SYTL3: variants seen among roughly 807,000 people sequenced by gnomAD.
SYTL3 encodes the protein synaptotagmin-like protein 3.
Under a neutral mutation model 82.1 loss-of-function variants are expected in SYTL3, and 88 were observed. The observed-to-expected ratio is 1.07, with a 90% confidence interval of 0.90 to 1.28. SYTL3 has a LOEUF of 1.28. Ranked by LOEUF, SYTL3 falls within the 50% of genes most tolerant of loss-of-function variation. The probability of loss-of-function intolerance (pLI) is 0.00; values close to 1 mark genes in which losing one functional copy is unlikely to be tolerated. For synonymous variants in SYTL3, 311 were observed against 289.4 expected, an observed-to-expected ratio of 1.07 and a Z score of -0.76; for missense variants, 831 against 757.6, an observed-to-expected ratio of 1.10 and a Z score of -1.14.
At chr6:158,667,255 G>A (rs1271152948) in intron 5 of SYTL3, among the ~76,000 whole-genome samples, 1 of 152,224 alleles carries the variant, frequency 6.6e-6, no homozygotes, top group Non-Finnish European at 1.5e-5. Flanking sequence ...GCCCTAGTGA[G>A]TCTTGTGTCC....
intron 6 of SYTL3, among the ~76,000 whole-genome samples, chr6:158,690,927 C>T (rs780872362): frequency 1.3e-5 from 2 of 152,132 alleles, no homozygotes; most frequent in Admixed American, 6.6e-5. Flanking sequence ...TTTGGCAATC[C>T]GTGCAGAGGG....
At chr6:158,649,565 A>G (rs1787752630), upstream of SYTL3, among the ~76,000 whole-genome samples, 1 of 152,182 alleles carries the variant, frequency 6.6e-6, no homozygotes. Context: ...GAGTAATACT[A>G]CCTAGTACAC....
intron 6 of SYTL3, among the ~76,000 whole-genome samples, chr6:158,688,846 G>A (rs1779560125): frequency 6.6e-6 from 1 of 152,006 alleles, no homozygotes; most frequent in Non-Finnish European, 1.5e-5. Context: ...ATAAGAAATT[G>A]GTATTTTTAG....
chr6:158,677,705 CAAAAAAAAAA>C (rs56865775), intron 5 of SYTL3, among the ~76,000 whole-genome samples: 1 of 68,116 alleles, frequency 1.5e-5, no homozygotes, highest in African/African-American at 4.3e-5. Flanking sequence ...AACTCTGTCT[CAAAAAAAAAA>C]AAAAAAAAAA....
At chr6:158,755,958 T>TC (rs1477828583) in intron 13 of SYTL3, among the ~76,000 whole-genome samples, 3 of 152,220 alleles carry the variant, frequency 2.0e-5, no homozygotes, top group Admixed American at 2.0e-4. Flanking sequence ...TGCTTTTTTT[T>TC]CACCTGCAAC....
intron 2 of SYTL3, among the ~76,000 whole-genome samples, chr6:158,660,057 GA>G (rs558548848): frequency 6.6e-5 from 10 of 152,146 alleles, no homozygotes; most frequent in Admixed American, 5.9e-4. Context: ...CTGAGGTCAG[GA>G]GTTCGAGACC....
chr6:158,698,633 C>T (rs953813870), intron 6 of SYTL3, among the ~76,000 whole-genome samples: 11 of 152,192 alleles, frequency 7.2e-5, no homozygotes, highest in African/African-American at 2.4e-4. Context: ...TGTGGGTCAA[C>T]CCTCAGGACT....
chr6:158,751,671 C>T (rs576721305), intron 12 of SYTL3, among the ~76,000 whole-genome samples: 23 of 152,174 alleles, frequency 1.5e-4, no homozygotes, highest in African/African-American at 5.1e-4. Context: ...GAAGGCAGGA[C>T]GAGCTTCACA....
intron 14 of SYTL3, among the ~76,000 whole-genome samples, chr6:158,760,062 A>G (rs1296067511): frequency 1.3e-5 from 2 of 152,050 alleles, no homozygotes; most frequent in Non-Finnish European, 2.9e-5. Flanking sequence ...TGTGGATTTC[A>G]GGCTCATCTC....
At position 158,755,016 on chromosome 6, in the gene SYTL3, A is replaced by G. The variant is rs540094822; in HGVS notation, c.1138-2195A>G. ...GAATAATCACATCAATCCAGAGTTT[A>G]TAGACAGAGATTGAATGTGGGGCAG... On this transcript the variant is annotated intron_variant, in intron 13 of 17. Coordinates refer to ENST00000611299, the MANE Select transcript of SYTL3 (RefSeq NM_001242394.2). 1.1e-4 allele frequency among the ~76,000 whole-genome samples: 17 copies of G among 152,270 alleles called. No homozygotes were observed. The South Asian group carries it at 3.3e-3, about 30-fold the overall frequency.
chr6:158,753,077 C>CTTTTTTTT (rs34396644), intron 13 of SYTL3, among the ~76,000 whole-genome samples: 70 of 99,082 alleles, frequency 7.1e-4, no homozygotes, highest in East Asian at 1.4e-3. Flanking sequence ...TTCTTCTTTT[C>CTTTTTTTT]TTTTTTTTTT....
rs1285632563 is a variant in SYTL3, at chr6:158,713,790, T to G, written c.517-10T>G. Reference sequence around the variant, plus strand: ...ATAATTCTCATTCTCTCCTTCTGTCTCTGTTTTAGTTACAGGAATTTGGTC... The same window carrying G: ...ATAATTCTCATTCTCTCCTTCTGTCGCTGTTTTAGTTACAGGAATTTGGTC... On this transcript the variant is annotated splice_polypyrimidine_tract_variant and intron_variant, in intron 8 of 17. Coordinates refer to ENST00000611299, the MANE Select transcript of SYTL3 (RefSeq NM_001242394.2). 1.3e-6 allele frequency: 2 copies of G among 1,537,364 alleles called. No individual in the cohort carries two copies. Among genetic ancestry groups the G allele is most frequent in the Admixed American group, 3.9e-5 (2 of 50,994 alleles).
intron 4 of SYTL3, 130 bp downstream of exon 4, chr6:158,663,508 G>A (rs1486183747): frequency 1.8e-5 from 27 of 1,471,614 alleles, no homozygotes; most frequent in Non-Finnish European, 2.1e-5. Flanking sequence ...GCCTGAGAAG[G>A]GTCCTAACGA....
chr6:158,755,081 G>A (rs1469149734), intron 13 of SYTL3, among the ~76,000 whole-genome samples: 1 of 152,224 alleles, frequency 6.6e-6, no homozygotes, highest in African/African-American at 2.4e-5. Flanking sequence ...GGAGGCTCAC[G>A]CTTGTAATCC....
intron 9 of SYTL3, among the ~76,000 whole-genome samples, chr6:158,716,123 CTCTG>C (rs1209812737): frequency 5.9e-5 from 9 of 152,198 alleles, no homozygotes; most frequent in African/African-American, 1.2e-4. Flanking sequence ...GTGGCTGCAG[CTCTG>C]TCTATTATCA....
At chr6:158,692,299 TTAAATGTAA>T (rs754770230) in intron 6 of SYTL3, among the ~76,000 whole-genome samples, 1 of 100,246 alleles carries the variant, frequency 1.0e-5, no homozygotes, top group Non-Finnish European at 2.1e-5. Context: ...AAAAAAAGGG[TTAAATGTAA>T]TAGATAAGCA....
At chr6:158,747,868 A>G (rs1230825804) in intron 12 of SYTL3, among the ~76,000 whole-genome samples, 1 of 152,098 alleles carries the variant, frequency 6.6e-6, no homozygotes, top group African/African-American at 2.4e-5. Context: ...TAGGTTTAAA[A>G]ATTATTTATT....
At chr6:158,674,819 G>C (rs898899170) in intron 5 of SYTL3, among the ~76,000 whole-genome samples, 6 of 152,078 alleles carry the variant, frequency 3.9e-5, no homozygotes, top group Non-Finnish European at 8.8e-5. Context: ...TCTGACCTGC[G>C]CAGTGTTTAA....
rs6934760 is a variant in SYTL3, at chr6:158,732,788, G to A, written c.855+7151G>A. On this transcript the variant is annotated intron_variant, in intron 11 of 17. Coordinates refer to ENST00000611299, the MANE Select transcript of SYTL3 (RefSeq NM_001242394.2). The stretch of plus-strand genomic sequence containing the variant: ...CTCCAAGTGAACGTATGTTAGTATT[G>A]TAAAAAACCTTTACTAGACACTCTG... Among the ~76,000 whole-genome samples, 1,365 of 152,230 alleles carry A rather than the reference G, an allele frequency of 9.0e-3. 13 individuals carry two copies. Among genetic ancestry groups the A allele is most frequent in the African/African-American group, 0.03 (1,260 of 41,526 alleles).
Sources: gnomAD v4.1 joint callset for allele counts (sites outside exome capture counted in the v4.1 genomes callset) on GRCh38, gnomAD v4.1.1 for gene constraint, MANE v1.5 for transcripts, NCBI Gene and HGNC (gene_info 2026-07-23, HGNC 2026-07-21) for gene names.